Variants in ESR1 observed in about 807,000 individuals in gnomAD.
The protein encoded by ESR1 is estrogen receptor.
In ESR1, 12 loss-of-function variants were observed where a neutral mutation model predicts 52.7. That is an observed-to-expected ratio of 0.23 (90% CI 0.15 to 0.37). The LOEUF (loss-of-function observed/expected upper bound fraction) is 0.37. Among genes scored for constraint, ESR1 ranks in the 10% least tolerant of loss-of-function variants. The pLI, the probability that ESR1 is intolerant of heterozygous loss-of-function variation, is 1.00. For synonymous variants in ESR1, 305 were observed against 316.8 expected (o/e 0.96, Z 0.39); for missense variants, 584 against 779.7 (o/e 0.75, Z 2.99).
At chr6:151,935,207 A>G (rs559751201) in intron 3 of ESR1, among the ~76,000 whole-genome samples, 1 of 152,344 alleles carries the variant, frequency 6.6e-6, no homozygotes, top group South Asian at 2.1e-4. Flanking sequence ...TTAGTTTACC[A>G]TCATCATCAT....
chr6:152,118,038 T>C (rs1585281750), intron 6 of ESR1, among the ~76,000 whole-genome samples: 1 of 152,174 alleles, frequency 6.6e-6, no homozygotes, highest in East Asian at 1.9e-4. Flanking sequence ...CCTCCATGCT[T>C]ATAAACCACT....
chr6:152,078,631 G>A (rs944907327), intron 6 of ESR1, among the ~76,000 whole-genome samples: 1 of 152,164 alleles, frequency 6.6e-6, no homozygotes. Context: ...TGGACAGTGG[G>A]TGCAGCCCAC....
chr6:152,099,049 C>A lies in ESR1; in HGVS notation c.*83C>A, dbSNP rs886415111. 4.2e-5 allele frequency: 45 copies of A among 1,075,330 alleles called. No homozygotes were observed. The highest frequency in any genetic ancestry group is 6.0e-5 in the Non-Finnish European group (43 of 711,388). The allele number at this position is 1,075,330 out of a possible 1,614,324, so 66.6% of individuals were successfully genotyped here. The stretch of plus-strand genomic sequence containing the variant: ...GCACCACTTTAGCCAAATTCTGTCT[C>A]CTGCATACACTCCGGCATGCATCCA... On this transcript the variant is annotated 3_prime_UTR_variant, in exon 8 of 8. Coordinates refer to ENST00000206249, the MANE Select transcript of ESR1 (RefSeq NM_000125.4).
chr6:152,085,599 C>G (rs780230301), intron 6 of ESR1, among the ~76,000 whole-genome samples: 1 of 152,068 alleles, frequency 6.6e-6, no homozygotes, highest in Non-Finnish European at 1.5e-5. Context: ...TTGGCTGGGA[C>G]GTCAGCTGGA....
intron 1 of ESR1, among the ~76,000 whole-genome samples, chr6:151,831,772 G>A (rs974416264): frequency 1.3e-5 from 2 of 152,120 alleles, no homozygotes; most frequent in African/African-American, 4.8e-5. Flanking sequence ...CATGTAAAAC[G>A]CTTAAAATAG....
At chr6:151,680,608 C>A (rs542912178) in intron 1 of ESR1, among the ~76,000 whole-genome samples, 4 of 152,296 alleles carry the variant, frequency 2.6e-5, no homozygotes, top group African/African-American at 9.6e-5. Flanking sequence ...ACCTCACAAC[C>A]TAATCACCTT....
intron 2 of ESR1, among the ~76,000 whole-genome samples, chr6:151,867,021 T>C (rs9479133): frequency 0.049 from 7,434 of 152,192 alleles, 333 homozygotes; most frequent in East Asian, 0.18. Context: ...GGGAAAGGAT[T>C]CCCTATTTAA....
chr6:151,789,946 C>T (rs554463279), intron 2 of ESR1, among the ~76,000 whole-genome samples: 8 of 152,270 alleles, frequency 5.3e-5, no homozygotes, highest in South Asian at 2.1e-4. Context: ...GGAACGTTGG[C>T]GTGAGTTGTT....
chr6:151,755,041 C>T (rs1280983804), intron 2 of ESR1, among the ~76,000 whole-genome samples: 3 of 152,058 alleles, frequency 2.0e-5, no homozygotes, highest in Non-Finnish European at 4.4e-5. Flanking sequence ...GAAAAGCTGT[C>T]TCTACAAAAA....
intron 4 of ESR1, among the ~76,000 whole-genome samples, chr6:151,965,397 T>C (rs1034544547): frequency 1.3e-5 from 2 of 152,194 alleles, no homozygotes; most frequent in African/African-American, 4.8e-5. Context: ...AGAAATTTCA[T>C]GTGGAAGGAT....
chr6:152,082,276 G>A (rs960386659), intron 6 of ESR1, among the ~76,000 whole-genome samples: 15 of 152,180 alleles, frequency 9.9e-5, no homozygotes, highest in African/African-American at 2.7e-4. Context: ...AACCAAGTCA[G>A]CTTCATTCCT....
intron 5 of ESR1, among the ~76,000 whole-genome samples, chr6:152,025,513 A>T (rs2044072443): frequency 6.6e-6 from 1 of 151,884 alleles, no homozygotes; most frequent in Non-Finnish European, 1.5e-5. Flanking sequence ...TTGGTATTCC[A>T]ATTTTTCACA....
chr6:151,725,117 C>T (rs1336235782), intron 2 of ESR1, among the ~76,000 whole-genome samples: 2 of 152,160 alleles, frequency 1.3e-5, no homozygotes, highest in African/African-American at 4.8e-5. Flanking sequence ...ATACTTTCTA[C>T]TGTAGATTTA....
At chr6:151,886,026 T>C (rs1793785071) in intron 3 of ESR1, among the ~76,000 whole-genome samples, 1 of 151,866 alleles carries the variant, frequency 6.6e-6, no homozygotes, top group Non-Finnish European at 1.5e-5. Flanking sequence ...AATTTCATCA[T>C]ATACGAGCAC....
chr6:151,851,621 G>A (rs1379374460), intron 2 of ESR1, among the ~76,000 whole-genome samples: 2 of 150,622 alleles, frequency 1.3e-5, no homozygotes, highest in East Asian at 3.9e-4. Context: ...TCCGTCTCCT[G>A]GGTTCAAGCA....
intron 1 of ESR1, among the ~76,000 whole-genome samples, chr6:151,819,837 T>TG (rs1780275787): frequency 6.6e-6 from 1 of 152,216 alleles, no homozygotes; most frequent in Admixed American, 6.5e-5. Flanking sequence ...CCAAAAATGT[T>TG]GGGGACCACT....
At chr6:152,042,111 C>A (rs1268562796) in intron 5 of ESR1, among the ~76,000 whole-genome samples, 1 of 152,146 alleles carries the variant, frequency 6.6e-6, no homozygotes, top group Non-Finnish European at 1.5e-5. Flanking sequence ...TCCAGGGATG[C>A]AATGTTGTGT....
At chr6:151,994,529 T>A (rs2041306101) in intron 4 of ESR1, among the ~76,000 whole-genome samples, 1 of 152,154 alleles carries the variant, frequency 6.6e-6, no homozygotes, top group Non-Finnish European at 1.5e-5. Context: ...AGATAGACCG[T>A]AAGGGTGAGC....
chr6:151,771,261 T>C (rs1176328270), intron 2 of ESR1, among the ~76,000 whole-genome samples: 1 of 152,202 alleles, frequency 6.6e-6, no homozygotes, highest in East Asian at 1.9e-4. Flanking sequence ...CCTATTGTTG[T>C]CCTCCTGATG....
Sources: allele counts gnomAD v4.1 joint callset (sites outside exome capture counted in the v4.1 genomes callset), GRCh38; gene constraint gnomAD v4.1.1; transcripts MANE v1.5; gene names NCBI Gene and HGNC (gene_info 2026-07-23, HGNC 2026-07-21).